TENM3: variants seen among roughly 807,000 people sequenced by gnomAD.
TENM3 encodes the protein teneurin-3.
TENM3 carries 63 observed loss-of-function variants against 255.1 expected under a neutral mutation model. The ratio of observed to expected loss-of-function variants is 0.25; its 90% CI spans 0.20 to 0.30. TENM3 has a LOEUF of 0.30. Among genes scored for constraint, TENM3 ranks in the 10% least tolerant of loss-of-function variants. The pLI, the probability that TENM3 is intolerant of heterozygous loss-of-function variation, is 1.00. For synonymous variants in TENM3, 1,306 were observed against 1,322.3 expected, an observed-to-expected ratio of 0.99 and a Z score of 0.27; for missense variants, 2,929 against 3,461.1, an observed-to-expected ratio of 0.85 and a Z score of 3.86.
intron 1 of TENM3, among the ~76,000 whole-genome samples, chr4:182,279,450 A>C (rs1336503232): frequency 6.6e-6 from 1 of 152,158 alleles, no homozygotes; most frequent in Non-Finnish European, 1.5e-5. Context: ...TTTTGAGTGC[A>C]TTGCCTGTTT....
chr4:181,822,677 G>A, the TENM3 span, among the ~76,000 whole-genome samples: 176 of 152,290 alleles, frequency 1.2e-3, 1 homozygote, highest in African/African-American at 3.7e-3. Context: ...ACTGCTTAAC[G>A]TATGACAAGT....
At chr4:182,758,695 C>T (rs987268559) in intron 22 of TENM3, among the ~76,000 whole-genome samples, 4 of 152,054 alleles carry the variant, frequency 2.6e-5, no homozygotes, top group Non-Finnish European at 5.9e-5. Flanking sequence ...TTAGACCTTA[C>T]AAAGGGCAGC....
At chr4:181,520,584 C>A in the TENM3 span, among the ~76,000 whole-genome samples, 1 of 151,938 alleles carries the variant, frequency 6.6e-6, no homozygotes, top group Non-Finnish European at 1.5e-5. Context: ...AGGAAATAAC[C>A]ACGAAAACCA....
chr4:181,588,921 A>G, the TENM3 span, among the ~76,000 whole-genome samples: 1 of 152,232 alleles, frequency 6.6e-6, no homozygotes, highest in African/African-American at 2.4e-5. Context: ...CATGTGTCTC[A>G]TTGAAAAATT....
chr4:182,183,636 T>G lies in TENM3; in HGVS notation c.-76+38882T>G, dbSNP rs1752970705. Among the ~76,000 whole-genome samples, 3 of 152,170 alleles carry G rather than the reference T, an allele frequency of 2.0e-5. No homozygotes were observed. The South Asian group carries it at 6.2e-4, about 32-fold the overall frequency. ...GAGAGACCAGATAACATATGTCCAT[T>G]TTTTATCAGCATTTTCGTTTTTACT... On this transcript the variant is annotated intron_variant, in intron 1 of 2. Coordinates refer to the TENM3 transcript ENST00000512480.
At chr4:181,634,589 T>C in the TENM3 span, among the ~76,000 whole-genome samples, 2 of 152,174 alleles carry the variant, frequency 1.3e-5, no homozygotes, top group African/African-American at 2.4e-5. Flanking sequence ...TAAGGATACA[T>C]ATATTTTAAG....
chr4:181,574,865 G>A, the TENM3 span, among the ~76,000 whole-genome samples: 1 of 152,094 alleles, frequency 6.6e-6, no homozygotes, highest in Admixed American at 6.6e-5. Flanking sequence ...AGTTGCAACA[G>A]AATTGAGAGA....
At chr4:181,834,805 C>T in the TENM3 span, 2 of 152,152 alleles carry the variant, frequency 1.3e-5, no homozygotes, top group Non-Finnish European at 2.9e-5. Context: ...GAGTAGATTA[C>T]TAAAAATAGG....
chr4:182,430,192 T>A (rs12648094), intron 3 of TENM3, among the ~76,000 whole-genome samples: 76,552 of 152,074 alleles, frequency 0.5, 19,561 homozygotes, highest in South Asian at 0.59. Context: ...AAAATGTTAT[T>A]AGGCCACTTC....
chr4:182,401,062 G>C (rs1485102610), intron 3 of TENM3, among the ~76,000 whole-genome samples: 1 of 152,190 alleles, frequency 6.6e-6, no homozygotes, highest in African/African-American at 2.4e-5. Context: ...GAACATTCCT[G>C]CTTCTGCTCC....
At chr4:181,677,832 G>C in the TENM3 span, among the ~76,000 whole-genome samples, 1 of 152,062 alleles carries the variant, frequency 6.6e-6, no homozygotes, top group Non-Finnish European at 1.5e-5. Context: ...AGACTCATTA[G>C]CCTTATTTCA....
the TENM3 span, among the ~76,000 whole-genome samples, chr4:181,812,634 G>T: frequency 5.9e-5 from 9 of 152,094 alleles, no homozygotes; most frequent in African/African-American, 2.2e-4. Context: ...TAAATGCTGC[G>T]CTTGCAGACA....
the TENM3 span, chr4:181,906,006 A>G: frequency 4.1e-6 from 2 of 483,476 alleles, no homozygotes; most frequent in South Asian, 3.6e-5. Flanking sequence ...CATGCTTTTC[A>G]TTATATCTCG....
At chr4:182,777,499 C>T (rs1764765518) in intron 24 of TENM3, among the ~76,000 whole-genome samples, 1 of 121,608 alleles carries the variant, frequency 8.2e-6, no homozygotes, top group Non-Finnish European at 1.7e-5. Flanking sequence ...TCTGTCTATA[C>T]ATAATGTGTT....
At chr4:181,467,554 GT>G in the TENM3 span, among the ~76,000 whole-genome samples, 1 of 151,786 alleles carries the variant, frequency 6.6e-6, no homozygotes, top group South Asian at 2.1e-4. Context: ...ATTTAGTATG[GT>G]ACAAAAATAA....
chr4:182,390,122 C>A (rs1768323483), intron 3 of TENM3, among the ~76,000 whole-genome samples: 1 of 152,258 alleles, frequency 6.6e-6, no homozygotes, highest in East Asian at 1.9e-4. Context: ...TGACAGGCTG[C>A]AGGAAGGGGA....
chr4:181,972,436 CAAA>C, the TENM3 span, among the ~76,000 whole-genome samples: 8 of 115,148 alleles, frequency 6.9e-5, no homozygotes, highest in Non-Finnish European at 3.5e-5. Flanking sequence ...CCTCCTTGTC[CAAA>C]AAAAAAAAAA....
chr4:181,740,184 A>C, the TENM3 span, among the ~76,000 whole-genome samples: 1 of 152,202 alleles, frequency 6.6e-6, no homozygotes, highest in African/African-American at 2.4e-5. Context: ...TAGGTGGTTT[A>C]GTAGCCTGAA....
chr4:182,019,536 A>G, the TENM3 span, among the ~76,000 whole-genome samples: 1 of 152,220 alleles, frequency 6.6e-6, no homozygotes, highest in African/African-American at 2.4e-5. Flanking sequence ...TTGCTTATAC[A>G]TATCAGTTCT....
Sources: allele counts gnomAD v4.1 joint callset (sites outside exome capture counted in the v4.1 genomes callset), GRCh38; gene constraint gnomAD v4.1.1; transcripts MANE v1.5; gene names NCBI Gene and HGNC (gene_info 2026-07-23, HGNC 2026-07-21).